DLG1: variants seen among roughly 807,000 people sequenced by gnomAD.
DLG1 encodes the protein discs large MAGUK scaffold protein 1.
DLG1 carries 42 observed loss-of-function variants against 123.4 expected under a neutral mutation model. The observed-to-expected ratio is 0.34, with a 90% confidence interval of 0.27 to 0.44. DLG1 has a LOEUF of 0.44. Ranked by LOEUF, DLG1 falls within the 20% of genes least tolerant of loss-of-function variation. The pLI is 1.00. For synonymous variants in DLG1, 317 were observed against 356.2 expected (o/e 0.89, Z 1.24); for missense variants, 942 against 1,082.6 (o/e 0.87, Z 1.82).
chr3:197,130,019 GAAGT>G (rs1167398516), intron 11 of DLG1, among the ~76,000 whole-genome samples: 1 of 152,168 alleles, frequency 6.6e-6, no homozygotes, highest in Non-Finnish European at 1.5e-5. Flanking sequence ...TAAGAGACAT[GAAGT>G]GAGAACATGT....
At chr3:197,170,377 C>G (rs1308135811) in intron 5 of DLG1, among the ~76,000 whole-genome samples, 2 of 152,150 alleles carry the variant, frequency 1.3e-5, no homozygotes, top group African/African-American at 4.8e-5. Flanking sequence ...CTCTCATCAA[C>G]AGTGTATAAG....
chr3:197,075,241 CA>C (rs1746405285), intron 18 of DLG1, among the ~76,000 whole-genome samples: 1 of 137,324 alleles, frequency 7.3e-6, no homozygotes, highest in South Asian at 2.3e-4. Context: ...CAACAAAAAC[CA>C]AAAACAAAGG....
rs777154455 is a variant in DLG1 at position 197,104,990 on chromosome 3, G to A, written c.1459C>T (p.Leu487Phe). 2.5e-6 allele frequency: 4 copies of A among 1,607,382 alleles called. No homozygotes were observed. Among genetic ancestry groups the A allele is most frequent in the Non-Finnish European group, 3.4e-6 (4 of 1,177,184 alleles). The change falls in exon 14 of 25, where the codon CTC becomes TTC. Residue 487 changes from leucine to phenylalanine, a missense_variant. By Grantham distance (22) the Leu-to-Phe change is conservative. Transcript: ENST00000667157. The part of the protein sequence containing the change: ...DRIISVNSVD[L>F]RAASHEQAAA... The stretch of plus-strand genomic sequence containing the variant: ...GCCTGCTCATGACTAGCAGCTCTGA[G>A]GTCAACACTGTTTACCTGTAAATCA...
chr3:197,266,676 G>C (rs1761836484), intron 4 of DLG1, among the ~76,000 whole-genome samples: 1 of 152,004 alleles, frequency 6.6e-6, no homozygotes, highest in African/African-American at 2.4e-5. Context: ...GAGGTAAACT[G>C]TCTGAAATAA....
At chr3:197,125,259 T>C (rs913555021) in intron 11 of DLG1, among the ~76,000 whole-genome samples, 6 of 152,070 alleles carry the variant, frequency 3.9e-5, no homozygotes, top group Non-Finnish European at 7.4e-5. Flanking sequence ...GGAAATGTAG[T>C]AGGACTGCAG....
chr3:197,280,240 T>A (rs1443346936), intron 4 of DLG1, among the ~76,000 whole-genome samples: 1 of 152,216 alleles, frequency 6.6e-6, no homozygotes, highest in Non-Finnish European at 1.5e-5. Context: ...TTTATCTTTC[T>A]GTGCCTGGCT....
chr3:197,050,163 C>G (rs2608064), intron 24 of DLG1, among the ~76,000 whole-genome samples: 1 of 152,162 alleles, frequency 6.6e-6, no homozygotes, highest in East Asian at 1.9e-4. Context: ...GTCAGGAGAT[C>G]AAGACCGTCC....
At chr3:197,231,562 A>G (rs560108667) in intron 4 of DLG1, among the ~76,000 whole-genome samples, 1 of 152,000 alleles carries the variant, frequency 6.6e-6, no homozygotes, top group Non-Finnish European at 1.5e-5. Flanking sequence ...TTAGCCAGGC[A>G]TGGTGGCAGG....
Position 197,142,726 on chromosome 3 carries a change from G to C in DLG1, c.580C>G (p.Leu194Val), listed in dbSNP as rs746887337. The change falls in exon 7 of 25, where the codon CTT becomes GTT. Residue 194 changes from leucine (L) to valine (V), a missense_variant. Leu to Val is a conservative substitution (Grantham distance 32). Coordinates refer to ENST00000667157, the MANE Select transcript of DLG1 (RefSeq NM_001366207.1). ...DADYEYEEIT[L>V]ERGNSGLGFS... Reference sequence around the variant, plus strand: ...AAGATAATAGTTTTTACCCTTTCAAGTGTGATTTCTTCATATTCATAATCT... The same window carrying C: ...AAGATAATAGTTTTTACCCTTTCAACTGTGATTTCTTCATATTCATAATCT... 1 of 1,606,582 alleles carries C rather than the reference G, an allele frequency of 6.2e-7. No homozygotes were observed. The highest frequency in any genetic ancestry group is 1.1e-5 in the South Asian group (1 of 88,742).
At chr3:197,163,244 G>A (rs1799559046) in intron 5 of DLG1, among the ~76,000 whole-genome samples, 1 of 152,176 alleles carries the variant, frequency 6.6e-6, no homozygotes, top group South Asian at 2.1e-4. Context: ...TGGAACTCTG[G>A]TACAATGCTG....
At chr3:197,163,687 A>ATTTT (rs56865627) in intron 5 of DLG1, among the ~76,000 whole-genome samples, 5 of 102,036 alleles carry the variant, frequency 4.9e-5, no homozygotes, top group Non-Finnish European at 7.5e-5. Flanking sequence ...ATGCTCAGCT[A>ATTTT]TTTTTTTTTT....
intron 11 of DLG1, among the ~76,000 whole-genome samples, chr3:197,120,248 G>C (rs1483471966): frequency 7.0e-6 from 1 of 143,270 alleles, no homozygotes; most frequent in East Asian, 2.1e-4. Flanking sequence ...GTAGGTGACA[G>C]AGTGAGATGC....
At chr3:197,190,406 A>G (rs938698779) in intron 5 of DLG1, among the ~76,000 whole-genome samples, 3 of 152,286 alleles carry the variant, frequency 2.0e-5, no homozygotes, top group African/African-American at 7.2e-5. Context: ...ATGCACTTAC[A>G]GGAAGTCAGC....
chr3:197,061,093 C>G (rs1345688637), intron 22 of DLG1, among the ~76,000 whole-genome samples: 1 of 152,198 alleles, frequency 6.6e-6, no homozygotes, highest in African/African-American at 2.4e-5. Flanking sequence ...CGTGAGCCAC[C>G]ATGCTCAGCC....
rs1739874336 is a variant in DLG1, at chr3:197,066,764, A to C, written c.2048-10T>G. Reference sequence around the variant, plus strand: ...TATTCTTCTTGACCACCTATTAGAAAGTGAAGGCACAGATGAAAAATGTGT... The same window carrying C: ...TATTCTTCTTGACCACCTATTAGAACGTGAAGGCACAGATGAAAAATGTGT... On this transcript the variant is annotated splice_polypyrimidine_tract_variant and intron_variant, in intron 19 of 24. Coordinates refer to ENST00000667157, the MANE Select transcript of DLG1 (RefSeq NM_001366207.1). 1.9e-6 allele frequency: 3 copies of C among 1,582,080 alleles called. No homozygotes were observed. Among genetic ancestry groups the C allele is most frequent in the Non-Finnish European group, 1.7e-6 (2 of 1,155,000 alleles).
intron 1 of DLG1, chr3:197,298,017 G>C (rs993137256): frequency 3.6e-5 from 28 of 783,606 alleles, no homozygotes; most frequent in Non-Finnish European, 4.0e-5. Context: ...CGCTCGCCGC[G>C]GCCCCCCGGC....
intron 5 of DLG1, among the ~76,000 whole-genome samples, chr3:197,155,947 TATAAATAA>T (rs528270321): frequency 2.6e-5 from 4 of 152,098 alleles, no homozygotes; most frequent in Non-Finnish European, 4.4e-5. Context: ...AGACCCTGCC[TATAAATAA>T]ATAAATAAAT....
chr3:197,257,162 C>T (rs1225175926), intron 4 of DLG1, among the ~76,000 whole-genome samples: 1 of 152,028 alleles, frequency 6.6e-6, no homozygotes, highest in Non-Finnish European at 1.5e-5. Flanking sequence ...CCTTTCAAAG[C>T]TTCTAACATA....
intron 18 of DLG1, among the ~76,000 whole-genome samples, chr3:197,072,933 G>A (rs1443335369): frequency 1.3e-5 from 2 of 152,178 alleles, no homozygotes; most frequent in Non-Finnish European, 2.9e-5. Flanking sequence ...CTGACCTGAG[G>A]TGATCTGCTG....
Sources: gnomAD v4.1 joint callset for allele counts (sites outside exome capture counted in the v4.1 genomes callset) on GRCh38, gnomAD v4.1.1 for gene constraint, MANE v1.5 for transcripts, NCBI Gene and HGNC (gene_info 2026-07-23, HGNC 2026-07-21) for gene names.